The following KCNQ5 variants were observed in gnomAD, a reference collection of about 807,000 sequenced individuals.
KCNQ5 encodes potassium voltage-gated channel subfamily Q member 5, also known as potassium voltage-gated channel subfamily KQT member 5.
A neutral mutation model predicts 98.2 loss-of-function variants in KCNQ5; 30 were observed. The ratio of observed to expected loss-of-function variants is 0.31; its 90% CI spans 0.23 to 0.41. The LOEUF is 0.41. Among genes scored for constraint, KCNQ5 ranks in the 10% least tolerant of loss-of-function variants. The probability of loss-of-function intolerance (pLI) is 1.00; values close to 1 mark genes in which losing one functional copy is unlikely to be tolerated. For missense variants in KCNQ5, 835 were observed against 1,182.5 expected (o/e 0.71, Z 4.31); for synonymous variants, 458 against 449.4 (o/e 1.02, Z -0.24).
At chr6:72,729,829 G>C (rs191099283) in intron 1 of KCNQ5, among the ~76,000 whole-genome samples, 16 of 152,128 alleles carry the variant, frequency 1.1e-4, no homozygotes, top group Non-Finnish European at 2.1e-4. Flanking sequence ...CTTATACTGG[G>C]CCTATATTTT....
chr6:73,074,209 A>T (rs562429406), intron 3 of KCNQ5, among the ~76,000 whole-genome samples: 93 of 152,362 alleles, frequency 6.1e-4, no homozygotes, highest in Middle Eastern at 3.4e-3. Context: ...GAAATAGTAG[A>T]TCACAAAAAT....
intron 3 of KCNQ5, among the ~76,000 whole-genome samples, chr6:73,075,225 CTTTTT>C (rs60204032): frequency 1.5e-5 from 2 of 131,560 alleles, no homozygotes; most frequent in Admixed American, 7.5e-5. Context: ...TATAGTCTCA[CTTTTT>C]TTTTTTTTTT....
intron 1 of KCNQ5, among the ~76,000 whole-genome samples, chr6:72,744,752 A>C (rs1393986219): frequency 6.6e-6 from 1 of 152,048 alleles, no homozygotes; most frequent in East Asian, 1.9e-4. Context: ...CAGAGGTTGC[A>C]GTGAGCCAAG....
intron 1 of KCNQ5, among the ~76,000 whole-genome samples, chr6:72,804,512 C>A (rs1406575371): frequency 6.6e-6 from 1 of 152,002 alleles, no homozygotes; most frequent in East Asian, 1.9e-4. Flanking sequence ...TCTCACTCTT[C>A]TTTATAGCCC....
At chr6:72,935,064 C>CTTTTTTT (rs59215198) in intron 1 of KCNQ5, among the ~76,000 whole-genome samples, 40 of 99,214 alleles carry the variant, frequency 4.0e-4, no homozygotes, top group Non-Finnish European at 5.2e-4. Context: ...CTTGTTCTAT[C>CTTTTTTT]TTTTTTTTTT....
Position 73,178,900 on chromosome 6 carries a change from CT to C in KCNQ5, c.1577+9047del, listed in dbSNP as rs553123444. 2.3e-4 allele frequency among the ~76,000 whole-genome samples: 35 copies of C among 152,288 alleles called. No individual in the cohort carries two copies. The South Asian group carries it at 6.4e-3, about 28-fold the overall frequency. ...CAACATTAAAAAGTATTCTAAATAA[CT>C]AACACATATGCCTTCAATAGTGACC... On this transcript the variant is annotated intron_variant, in intron 11 of 13. Coordinates refer to ENST00000370398, the MANE Select transcript of KCNQ5 (RefSeq NM_019842.4).
At chr6:73,142,780 G>A (rs1461042506) in intron 10 of KCNQ5, among the ~76,000 whole-genome samples, 1 of 152,106 alleles carries the variant, frequency 6.6e-6, no homozygotes, top group Non-Finnish European at 1.5e-5. Flanking sequence ...GCCAGGCGTG[G>A]TGGCGGGCAC....
At chr6:72,812,938 A>T (rs924034038) in intron 1 of KCNQ5, among the ~76,000 whole-genome samples, 2 of 152,228 alleles carry the variant, frequency 1.3e-5, no homozygotes, top group Non-Finnish European at 2.9e-5. Context: ...TTAAAAATGC[A>T]TATTTCCCTG....
intron 1 of KCNQ5, among the ~76,000 whole-genome samples, chr6:73,002,568 G>A (rs2150321776): frequency 6.6e-6 from 1 of 152,288 alleles, no homozygotes; most frequent in South Asian, 2.1e-4. Flanking sequence ...ATGAATGTTA[G>A]TCATTATTAT....
chr6:73,052,343 C>T (rs1324207887), intron 3 of KCNQ5, among the ~76,000 whole-genome samples: 1 of 152,150 alleles, frequency 6.6e-6, no homozygotes, highest in Non-Finnish European at 1.5e-5. Flanking sequence ...AAAATTCCCC[C>T]AACTTCACTA....
At chr6:73,167,170 C>T (rs1483291051) in intron 10 of KCNQ5, among the ~76,000 whole-genome samples, 2 of 152,184 alleles carry the variant, frequency 1.3e-5, no homozygotes, top group Non-Finnish European at 2.9e-5. Context: ...ATCCAGCAAA[C>T]TGGCTACCCT....
At chr6:73,170,099 A>G (rs143916600) in intron 11 of KCNQ5, among the ~76,000 whole-genome samples, 168 of 152,268 alleles carry the variant, frequency 1.1e-3, no homozygotes, top group African/African-American at 3.9e-3. Flanking sequence ...GAGAGATTAC[A>G]CGAGTCTTGG....
chr6:72,858,004 A>T (rs1340738967), intron 1 of KCNQ5, among the ~76,000 whole-genome samples: 2 of 152,226 alleles, frequency 1.3e-5, no homozygotes, highest in African/African-American at 2.4e-5. Context: ...AGTGAGTAAG[A>T]AAAATATATT....
At chr6:73,161,528 A>G (rs768885195) in intron 10 of KCNQ5, among the ~76,000 whole-genome samples, 8 of 152,258 alleles carry the variant, frequency 5.3e-5, no homozygotes, top group African/African-American at 1.9e-4. Flanking sequence ...TAGCCCAAGT[A>G]CACTGACTTG....
rs1180717192 is a variant in KCNQ5, at chr6:73,192,624, T to C, written c.1769T>C (p.Ile590Thr). 3.1e-6 allele frequency: 5 copies of C among 1,612,626 alleles called. No individual in the cohort carries two copies. Among genetic ancestry groups the C allele is most frequent in the Admixed American group, 1.7e-5 (1 of 59,816 alleles). ...TCAGATAAGAAGAGCCGAGAGAAAA[T>C]AACAGCAGAACATGAGACCACAGAC... ...ITSDKKSREK[I>T]TAEHETTDDL... The change falls in exon 13 of 14, where the codon ATA becomes ACA. Residue 590 changes from isoleucine (I) to threonine (T), a missense_variant. Coordinates refer to ENST00000370398, the MANE Select transcript of KCNQ5 (RefSeq NM_019842.4).
chr6:73,163,342 C>A (rs1335443823), intron 10 of KCNQ5, among the ~76,000 whole-genome samples: 1 of 152,188 alleles, frequency 6.6e-6, no homozygotes, highest in African/African-American at 2.4e-5. Context: ...GTTGCAGTTA[C>A]CTATGATCAC....
chr6:73,003,866 AG>A, intron 1 of KCNQ5, 41 bp from the exon 2 acceptor site: 1 of 1,290,876 alleles, frequency 7.7e-7, no homozygotes, highest in Non-Finnish European at 1.1e-6. Flanking sequence ...TGTGATAATA[AG>A]GTAAGGTTCT....
intron 1 of KCNQ5, among the ~76,000 whole-genome samples, chr6:72,698,695 G>GC (rs1211157297): frequency 1.8e-5 from 2 of 108,294 alleles, no homozygotes; most frequent in Non-Finnish European, 3.4e-5. Flanking sequence ...TCACTCTGTT[G>GC]CCCAGGCAGT....
intron 3 of KCNQ5, among the ~76,000 whole-genome samples, chr6:73,073,282 G>A (rs1224865845): frequency 6.6e-6 from 1 of 152,130 alleles, no homozygotes; most frequent in Non-Finnish European, 1.5e-5. Context: ...GAAAGAGAAG[G>A]TTATAATATC....
Sources: allele counts gnomAD v4.1 joint callset (sites outside exome capture counted in the v4.1 genomes callset), GRCh38; gene constraint gnomAD v4.1.1; transcripts MANE v1.5; gene names NCBI Gene and HGNC (gene_info 2026-07-23, HGNC 2026-07-21).